The following TPH2 variants were observed in gnomAD, a reference collection of about 807,000 sequenced individuals.
TPH2 encodes tryptophan 5-hydroxylase 2.
TPH2 carries 27 observed loss-of-function variants against 59.1 expected under a neutral mutation model. The observed-to-expected ratio is 0.46, with a 90% CI of 0.34 to 0.63. The LOEUF is 0.63. Ranked by LOEUF, TPH2 falls within the 30% of genes least tolerant of loss-of-function variation. TPH2 has a pLI of 0.01. For missense variants in TPH2, 523 were observed against 588.3 expected (o/e 0.89, Z 1.15); for synonymous variants, 220 against 210.5 (o/e 1.05, Z -0.39).
intron 8 of TPH2, among the ~76,000 whole-genome samples, chr12:72,005,261 C>A (rs892720397): frequency 1.3e-5 from 2 of 151,956 alleles, no homozygotes; most frequent in South Asian, 2.1e-4. Context: ...TCCTTTAGAA[C>A]GTCCATAAAA....
chr12:71,992,252 GA>G (rs1872592118), intron 7 of TPH2, among the ~76,000 whole-genome samples: 1 of 152,200 alleles, frequency 6.6e-6, no homozygotes, highest in Non-Finnish European at 1.5e-5. Flanking sequence ...AGAGCAGAAA[GA>G]GTGTAGCTTT....
intron 5 of TPH2, chr12:71,964,529 A>G: frequency 1.0e-6 from 1 of 984,738 alleles, no homozygotes; most frequent in Non-Finnish European, 1.2e-6. Flanking sequence ...TTCCAGTCTC[A>G]GAGGCATAAG....
At chr12:71,980,934 A>G (rs1347350919) in intron 7 of TPH2, among the ~76,000 whole-genome samples, 1 of 152,240 alleles carries the variant, frequency 6.6e-6, no homozygotes, top group African/African-American at 2.4e-5. Context: ...TAGCTTTAAA[A>G]AAAATTTTTT....
At chr12:71,967,426 C>T (rs7307319) in intron 5 of TPH2, among the ~76,000 whole-genome samples, 127,608 of 152,192 alleles carry the variant, frequency 0.84, 53,617 homozygotes, top group East Asian at 0.94. Flanking sequence ...TGGTGACCAT[C>T]TTAGCTTCTT....
At chr12:71,964,872 A>G in intron 5 of TPH2, 1 of 425,392 alleles carries the variant, frequency 2.4e-6, no homozygotes, top group African/African-American at 2.2e-5. Context: ...TGTACATATT[A>G]TTTCATCACC....
intron 5 of TPH2, chr12:71,964,509 G>A (rs1421257562): frequency 1.0e-6 from 1 of 982,490 alleles, no homozygotes; most frequent in Non-Finnish European, 1.2e-6. Context: ...TATATATTCT[G>A]GCAATATTTT....
chr12:72,007,693 T>C (rs977732075), intron 8 of TPH2, among the ~76,000 whole-genome samples: 2 of 152,218 alleles, frequency 1.3e-5, no homozygotes, highest in Non-Finnish European at 2.9e-5. Context: ...CAAGGGGATG[T>C]ACCTTAAAAT....
At position 71,992,081 on chromosome 12, in the gene TPH2, A is replaced by C. The variant is rs546882805; in HGVS notation, c.942-2358A>C. The stretch of plus-strand genomic sequence containing the variant: ...TTAAAATGCTCCTCAAGTGATTTGG[A>C]AAGTTGAGAAGCACTGGGTTGGAGG... On this transcript the variant is annotated intron_variant, in intron 7 of 10. Transcript: ENST00000333850. Among the ~76,000 whole-genome samples the C allele has an allele frequency of 3.9e-5, 6 of 152,304 alleles. No homozygotes were observed. In the East Asian group the frequency reaches 1.2e-3, roughly 29 times the overall value.
At chr12:71,973,750 T>A (rs1011816574) in intron 6 of TPH2, among the ~76,000 whole-genome samples, 1 of 152,238 alleles carries the variant, frequency 6.6e-6, no homozygotes, top group East Asian at 1.9e-4. Flanking sequence ...ACTTGGGGTC[T>A]GGAATGGGAC....
chr12:72,025,558 T>C (rs1464404185), intron 9 of TPH2, among the ~76,000 whole-genome samples: 1 of 152,174 alleles, frequency 6.6e-6, no homozygotes, highest in Non-Finnish European at 1.5e-5. Flanking sequence ...AAAATAAATA[T>C]GGAAAAGCTT....
At chr12:72,012,303 A>T (rs368154519) in intron 8 of TPH2, among the ~76,000 whole-genome samples, 1 of 152,128 alleles carries the variant, frequency 6.6e-6, no homozygotes, top group East Asian at 1.9e-4. Context: ...GTGGATTCGT[A>T]TGGGCTACAC....
chr12:71,999,306 A>G (rs983765529), intron 8 of TPH2, among the ~76,000 whole-genome samples: 3 of 152,208 alleles, frequency 2.0e-5, no homozygotes, highest in Admixed American at 1.3e-4. Flanking sequence ...ATTTAAATGA[A>G]CTCTTTTGTA....
At chr12:71,957,275 G>T (rs1223150873) in intron 5 of TPH2, among the ~76,000 whole-genome samples, 2 of 146,500 alleles carry the variant, frequency 1.4e-5, no homozygotes, top group African/African-American at 5.0e-5. Flanking sequence ...ATAGCTAATT[G>T]TTCTTCAATT....
chr12:72,019,114 CTT>C, intron 8 of TPH2, among the ~76,000 whole-genome samples: 2 of 152,090 alleles, frequency 1.3e-5, no homozygotes, highest in Non-Finnish European at 2.9e-5. Flanking sequence ...TGTATTTTAG[CTT>C]TTCAACATGT....
chr12:71,975,740 A>G (rs1872100234), intron 6 of TPH2, among the ~76,000 whole-genome samples: 1 of 152,222 alleles, frequency 6.6e-6, no homozygotes, highest in Admixed American at 6.5e-5. Flanking sequence ...TTATGTGTGA[A>G]CATCATCTAC....
chr12:71,977,742 C>T (rs943244614), intron 6 of TPH2, among the ~76,000 whole-genome samples: 1 of 152,054 alleles, frequency 6.6e-6, no homozygotes. Flanking sequence ...AAGAACCTAT[C>T]GACGATGTTG....
chr12:71,972,840 T>A, intron 6 of TPH2, 125 bp downstream of exon 6: 7 of 1,047,170 alleles, frequency 6.7e-6, no homozygotes, highest in African/African-American at 1.6e-5. Flanking sequence ...TTGTTGGCTT[T>A]GAGCCAACAA....
At chr12:71,967,852 T>C (rs750885637) in intron 5 of TPH2, among the ~76,000 whole-genome samples, 4 of 152,222 alleles carry the variant, frequency 2.6e-5, no homozygotes, top group Non-Finnish European at 4.4e-5. Flanking sequence ...CTCATTTGGG[T>C]ATTTAAGACC....
chr12:72,025,332 C>T (rs1165804215), intron 9 of TPH2, among the ~76,000 whole-genome samples: 1 of 152,176 alleles, frequency 6.6e-6, no homozygotes, highest in East Asian at 1.9e-4. Flanking sequence ...TTTGGTGTCA[C>T]CTTTATAACT....
Sources: gnomAD v4.1 joint callset for allele counts (sites outside exome capture counted in the v4.1 genomes callset) on GRCh38, gnomAD v4.1.1 for gene constraint, MANE v1.5 for transcripts, NCBI Gene and HGNC (gene_info 2026-07-23, HGNC 2026-07-21) for gene names.